Variants in TRPM3 observed in about 807,000 individuals in gnomAD.
The protein encoded by TRPM3 is transient receptor potential cation channel subfamily M member 3, also known as long transient receptor potential channel 3.
TRPM3 carries 77 observed loss-of-function variants against 181.2 expected under a neutral mutation model. The ratio of observed to expected loss-of-function variants is 0.42; its 90% CI spans 0.35 to 0.51. The LOEUF (loss-of-function observed/expected upper bound fraction) is 0.51, where lower values mean the gene tolerates loss of function less well. Ranked by LOEUF, TRPM3 falls within the 20% of genes least tolerant of loss-of-function variation. TRPM3 has a pLI of 0.01. For missense variants in TRPM3, 1,759 were observed against 2,196.7 expected (o/e 0.80, Z 3.98); for synonymous variants, 745 against 796.4 (o/e 0.94, Z 1.09).
intron 1 of TRPM3, among the ~76,000 whole-genome samples, chr9:70,998,925 A>C (rs937038192): frequency 6.6e-6 from 1 of 152,128 alleles, no homozygotes; most frequent in Non-Finnish European, 1.5e-5. Flanking sequence ...ACTTTCCATA[A>C]TTTGTGCTGC....
chr9:71,334,900 C>T (rs181880563), intron 1 of TRPM3, among the ~76,000 whole-genome samples: 93 of 152,158 alleles, frequency 6.1e-4, no homozygotes, highest in African/African-American at 1.7e-3. Flanking sequence ...CAACTATTTA[C>T]CTCATTGTTG....
intron 1 of TRPM3, among the ~76,000 whole-genome samples, chr9:71,379,600 G>A (rs2092747514): frequency 6.6e-6 from 1 of 151,952 alleles, no homozygotes; most frequent in African/African-American, 2.4e-5. Flanking sequence ...AATTGATCTG[G>A]TGTGGGCTCT....
chr9:70,625,461 T>A lies in TRPM3; in HGVS notation c.1668+21A>T. 6.2e-7 allele frequency: 1 copy of A among 1,606,460 alleles called. No homozygotes were observed. Among genetic ancestry groups the A allele is most frequent in the Non-Finnish European group, 8.5e-7 (1 of 1,177,266 alleles). On this transcript the variant is annotated intron_variant, in intron 13 of 25. Coordinates refer to ENST00000677713, the MANE Select transcript of TRPM3 (RefSeq NM_001366145.2). The surrounding 1 kb of genome is among the most constrained non-coding windows in gnomAD (Gnocchi z 4.8). Reference sequence around the variant, plus strand: ...AAAAAGAAACATATGAATGTATTATTATGCTGGTTAATTAATTCACCTTAA... The same window carrying A: ...AAAAAGAAACATATGAATGTATTATAATGCTGGTTAATTAATTCACCTTAA...
intron 1 of TRPM3, among the ~76,000 whole-genome samples, chr9:71,009,192 A>G (rs1051449581): frequency 2.6e-5 from 4 of 152,162 alleles, no homozygotes; most frequent in African/African-American, 9.7e-5. Context: ...CTTTTTATTC[A>G]ACAGAGTACT....
intron 1 of TRPM3, among the ~76,000 whole-genome samples, chr9:71,310,893 G>A (rs1471212283): frequency 2.0e-5 from 3 of 151,992 alleles, no homozygotes; most frequent in African/African-American, 7.2e-5. Flanking sequence ...ACTATGGAGA[G>A]AAAGATGACA....
chr9:71,180,050 C>CTTT lies in TRPM3; in HGVS notation c.183+266600_183+266602dup, dbSNP rs35877663. Among the ~76,000 whole-genome samples, 223 of 101,158 alleles carry CTTT rather than the reference C, an allele frequency of 2.2e-3. 9 individuals are homozygous for CTTT. The highest frequency in any genetic ancestry group is 6.4e-3 in the African/African-American group (171 of 26,708). The allele number at this position is 101,158 out of a possible 152,430, so 66.4% of individuals were successfully genotyped here. On this transcript the variant is annotated intron_variant, in intron 1 of 24. Transcript: ENST00000357533. ...GGGGAGAACCTTATCATACATCCTT[C>CTTT]TTTTTTTTTTTTTTTTTTTTTGAGA...
rs567728588 is a variant in TRPM3, at chr9:70,762,951, C to T, written c.1149-1227G>A. Among the ~76,000 whole-genome samples the T allele has an allele frequency of 7.2e-5, 11 of 152,234 alleles. No homozygotes were observed. In the South Asian group the frequency reaches 2.3e-3, roughly 32 times the overall value. On this transcript the variant is annotated intron_variant, in intron 7 of 25. Transcript: ENST00000677713. ...CAGGCAGTTGTGGAGTTTCCTTCAA[C>T]ATGAAAGCAAGAAAAACTTTATTGC... is the stretch of plus-strand genomic sequence containing the variant.
chr9:71,206,472 A>G (rs1438729894), intron 1 of TRPM3, among the ~76,000 whole-genome samples: 1 of 151,910 alleles, frequency 6.6e-6, no homozygotes, highest in Non-Finnish European at 1.5e-5. Context: ...TTCCTTGTAG[A>G]TTCTGGATAT....
Position 70,625,514 on chromosome 9 carries a change from C to T in TRPM3, c.1636G>A (p.Glu546Lys), listed in dbSNP as rs2064419848. ...YHLVRDVKKR[E>K]YPGFGWIYFK... The stretch of plus-strand genomic sequence containing the variant: ...TAGATCCAACCGAAACCTGGATACT[C>T]TCGCTTGGAAAGAAGACATAAGTTA... Residue 546 changes from glutamate to lysine, a missense_variant, in exon 13 of 26, where the codon GAG becomes AAG. This residue lies in a region of TRPM3 where 737 missense variants were observed against 957.4 expected (regional missense o/e 0.77). Transcript: ENST00000677713. The surrounding 1 kb of genome is among the most constrained non-coding windows in gnomAD (Gnocchi z 4.8). The T allele has an allele frequency of 6.2e-7, 1 of 1,612,346 alleles. No homozygotes were observed. Among genetic ancestry groups the T allele is most frequent in the East Asian group, 2.2e-5 (1 of 44,884 alleles).
At chr9:70,778,378 A>G (rs1296291535) in intron 7 of TRPM3, among the ~76,000 whole-genome samples, 1 of 152,162 alleles carries the variant, frequency 6.6e-6, no homozygotes, top group Non-Finnish European at 1.5e-5. Flanking sequence ...AGTCCTCATT[A>G]TAAAGTTCTT....
intron 1 of TRPM3, among the ~76,000 whole-genome samples, chr9:71,150,959 T>C (rs1318344443): frequency 1.3e-5 from 2 of 152,126 alleles, no homozygotes; most frequent in Non-Finnish European, 1.5e-5. Context: ...ATGATATAAG[T>C]GGCATGCTGA....
At chr9:71,297,525 TG>T (rs756859657) in intron 1 of TRPM3, among the ~76,000 whole-genome samples, 6 of 152,120 alleles carry the variant, frequency 3.9e-5, no homozygotes, top group Non-Finnish European at 7.4e-5. Flanking sequence ...CTTCACATGG[TG>T]GCAGTAAGGA....
intron 1 of TRPM3, among the ~76,000 whole-genome samples, chr9:71,285,548 C>G (rs1393363795): frequency 6.6e-6 from 1 of 152,128 alleles, no homozygotes; most frequent in Non-Finnish European, 1.5e-5. Context: ...TTGGCAAACT[C>G]CAGAGAAACA....
At chr9:70,859,350 C>A (rs1473647952) in intron 3 of TRPM3, among the ~76,000 whole-genome samples, 2 of 152,168 alleles carry the variant, frequency 1.3e-5, no homozygotes, top group African/African-American at 2.4e-5. Flanking sequence ...CTATCTGCTT[C>A]TTCGAGTCTT....
At chr9:70,947,539 G>A (rs2096948331) in intron 1 of TRPM3, among the ~76,000 whole-genome samples, 1 of 152,120 alleles carries the variant, frequency 6.6e-6, no homozygotes, top group South Asian at 2.1e-4. Flanking sequence ...GGAGAGAGGG[G>A]TCTTCCATAA....
intron 1 of TRPM3, among the ~76,000 whole-genome samples, chr9:71,319,015 A>T (rs1457107954): frequency 5.8e-5 from 1 of 17,216 alleles, no homozygotes; most frequent in South Asian, 2.7e-3. Flanking sequence ...TAAATTATAT[A>T]GTATGTACAA....
chr9:70,635,343 G>C (rs1218072142), intron 11 of TRPM3, 82 bp from the exon 12 acceptor site: 1 of 1,214,710 alleles, frequency 8.2e-7, no homozygotes, highest in Non-Finnish European at 1.2e-6. Context: ...AGAAGGAAGG[G>C]TGCTGGCTGG....
intron 1 of TRPM3, among the ~76,000 whole-genome samples, chr9:71,215,207 A>G (rs1466664882): frequency 6.6e-6 from 1 of 152,206 alleles, no homozygotes; most frequent in Non-Finnish European, 1.5e-5. Context: ...CTAGAAATCA[A>G]ATTTTTAAAA....
chr9:70,688,469 A>G (rs1378633855), intron 8 of TRPM3, among the ~76,000 whole-genome samples: 1 of 152,080 alleles, frequency 6.6e-6, no homozygotes, highest in Non-Finnish European at 1.5e-5. Flanking sequence ...AAATCCCCTT[A>G]GTCCATTATA....
Sources: gnomAD v4.1 joint callset for allele counts (sites outside exome capture counted in the v4.1 genomes callset) on GRCh38, gnomAD v4.1.1 for gene constraint, gnomAD v4.1.1 regional missense constraint, Gnocchi (gnomAD v3.1) non-coding constraint, MANE v1.5 for transcripts, NCBI Gene and HGNC (gene_info 2026-07-23, HGNC 2026-07-21) for gene names.